XKR6: variants seen among roughly 807,000 people sequenced by gnomAD.
The protein encoded by XKR6 is XK related 6.
XKR6 carries 22 observed loss-of-function variants against 56.7 expected under a neutral mutation model. That is an observed-to-expected ratio of 0.39 (90% confidence interval 0.28 to 0.55). The LOEUF (loss-of-function observed/expected upper bound fraction) is 0.55, where lower values mean the gene tolerates loss of function less well. Ranked by LOEUF, XKR6 falls within the 20% of genes least tolerant of loss-of-function variation. The pLI, the probability that XKR6 is intolerant of heterozygous loss-of-function variation, is 0.66. For synonymous variants in XKR6, 524 were observed against 387.8 expected (o/e 1.35, Z -4.13); for missense variants, 852 against 889.0 (o/e 0.96, Z 0.53).
intron 1 of XKR6, among the ~76,000 whole-genome samples, chr8:10,939,100 G>A (rs1376439268): frequency 2.6e-5 from 4 of 152,066 alleles, no homozygotes; most frequent in Non-Finnish European, 5.9e-5. Flanking sequence ...CAGCCTTCTG[G>A]AAGGAATGAG....
intron 1 of XKR6, among the ~76,000 whole-genome samples, chr8:10,939,911 C>G (rs1376930970): frequency 6.6e-6 from 1 of 152,250 alleles, no homozygotes; most frequent in Non-Finnish European, 1.5e-5. Context: ...CTTCGGGGGT[C>G]CACAGCAGCC....
chr8:10,964,275 C>A (rs933117813), intron 1 of XKR6, among the ~76,000 whole-genome samples: 1 of 152,176 alleles, frequency 6.6e-6, no homozygotes, highest in Admixed American at 6.5e-5. Flanking sequence ...CCCCACGCTT[C>A]CCTGGGGCTT....
chr8:11,177,768 C>A (rs1802734196), intron 1 of XKR6, among the ~76,000 whole-genome samples: 1 of 152,226 alleles, frequency 6.6e-6, no homozygotes, highest in Admixed American at 6.5e-5. Context: ...TGCTCAGAAT[C>A]TCAGGGGAGC....
At chr8:11,099,856 G>C (rs572502428) in intron 1 of XKR6, among the ~76,000 whole-genome samples, 1 of 152,158 alleles carries the variant, frequency 6.6e-6, no homozygotes. Flanking sequence ...CTCTAGACAG[G>C]CTGGGCAGAG....
At chr8:11,007,798 C>T (rs1798404318) in intron 1 of XKR6, among the ~76,000 whole-genome samples, 1 of 152,206 alleles carries the variant, frequency 6.6e-6, no homozygotes, top group Non-Finnish European at 1.5e-5. Flanking sequence ...TGTCCCCTGG[C>T]TTCCTGCAGC....
chr8:11,001,013 C>A (rs1798225843), intron 1 of XKR6, among the ~76,000 whole-genome samples: 1 of 152,150 alleles, frequency 6.6e-6, no homozygotes, highest in Non-Finnish European at 1.5e-5. Context: ...TGGACACCAC[C>A]CCCAACTGAA....
At chr8:10,918,282 CT>C (rs1751951366) in intron 2 of XKR6, among the ~76,000 whole-genome samples, 1 of 152,262 alleles carries the variant, frequency 6.6e-6, no homozygotes, top group Non-Finnish European at 1.5e-5. Context: ...AGGCTTCCCC[CT>C]GAGTGCTTGG....
intron 1 of XKR6, among the ~76,000 whole-genome samples, chr8:11,190,888 G>A (rs1010710383): frequency 2.6e-5 from 4 of 152,150 alleles, no homozygotes; most frequent in African/African-American, 7.2e-5. Flanking sequence ...AAAATTAAGT[G>A]AGACTATATA....
intron 1 of XKR6, among the ~76,000 whole-genome samples, chr8:11,199,718 T>C (rs1004964952): frequency 2.0e-5 from 3 of 152,156 alleles, no homozygotes; most frequent in Admixed American, 2.0e-4. Flanking sequence ...GCAAGTGGTT[T>C]GTGAGGGACT....
intron 1 of XKR6, among the ~76,000 whole-genome samples, chr8:11,129,370 G>C (rs1427135284): frequency 6.6e-6 from 1 of 152,166 alleles, no homozygotes; most frequent in Non-Finnish European, 1.5e-5. Flanking sequence ...AGGTACTTAA[G>C]AGATTTTTCA....
chr8:11,177,692 C>A (rs907413454), intron 1 of XKR6, among the ~76,000 whole-genome samples: 4 of 152,226 alleles, frequency 2.6e-5, no homozygotes, highest in African/African-American at 9.6e-5. Context: ...GGTTAGACGG[C>A]TGCAAGCCAG....
intron 1 of XKR6, among the ~76,000 whole-genome samples, chr8:11,192,600 G>A (rs191660269): frequency 3.3e-5 from 5 of 152,214 alleles, no homozygotes; most frequent in African/African-American, 9.6e-5. Context: ...GGGAAACAGA[G>A]TGAGAATCTG....
chr8:11,129,886 C>T (rs963889271), intron 1 of XKR6, among the ~76,000 whole-genome samples: 2 of 151,830 alleles, frequency 1.3e-5, no homozygotes, highest in African/African-American at 4.9e-5. Flanking sequence ...TTTTTAAAAA[C>T]CAATCTCAGC....
intron 1 of XKR6, among the ~76,000 whole-genome samples, chr8:10,954,409 A>T (rs757442003): frequency 6.6e-6 from 1 of 152,222 alleles, no homozygotes; most frequent in East Asian, 1.9e-4. Context: ...TTCCCTAAAG[A>T]TTAATGATGT....
intron 1 of XKR6, among the ~76,000 whole-genome samples, chr8:11,098,510 G>C (rs907452221): frequency 3.9e-5 from 6 of 152,118 alleles, no homozygotes; most frequent in African/African-American, 1.4e-4. Context: ...ACTGTATCTT[G>C]GTAATTTCAC....
intron 1 of XKR6, among the ~76,000 whole-genome samples, chr8:10,961,282 G>A (rs149976535): frequency 2.8e-4 from 43 of 152,314 alleles, no homozygotes; most frequent in African/African-American, 1.0e-3. Flanking sequence ...CAGCCGGGAC[G>A]CTGGAGGCCA....
intron 1 of XKR6, among the ~76,000 whole-genome samples, chr8:11,058,501 G>T (rs1369585687): frequency 6.6e-6 from 1 of 152,200 alleles, no homozygotes; most frequent in African/African-American, 2.4e-5. Flanking sequence ...GGAATACTAT[G>T]CAGCCATAAA....
chr8:11,164,581 G>A (rs1290909872), intron 1 of XKR6, among the ~76,000 whole-genome samples: 1 of 152,196 alleles, frequency 6.6e-6, no homozygotes, highest in African/African-American at 2.4e-5. Context: ...ACTTTCAAAA[G>A]CATTACATTA....
In XKR6 at chr8:10,991,655, G is replaced by C. The variant is rs575587487; in HGVS notation, c.765-66825C>G. Among the ~76,000 whole-genome samples, 49 of 152,264 alleles carry C rather than the reference G, an allele frequency of 3.2e-4. No homozygotes were observed. In the South Asian group the frequency reaches 9.5e-3, roughly 30 times the overall value. ...TTTAAGCAGGGTTTTCTGTGGACTT[G>C]AGTGGGCAATCAGTGGTTAACCTCT... is the stretch of plus-strand genomic sequence containing the variant. On this transcript the variant is annotated intron_variant, in intron 1 of 2. Transcript: ENST00000416569.
Sources: allele counts gnomAD v4.1 joint callset (sites outside exome capture counted in the v4.1 genomes callset), GRCh38; gene constraint gnomAD v4.1.1; transcripts MANE v1.5; gene names NCBI Gene and HGNC (gene_info 2026-07-23, HGNC 2026-07-21).